The following BANP variants were observed in gnomAD, a reference collection of about 807,000 sequenced individuals.
BANP encodes the protein protein BANP.
A neutral mutation model predicts 68.1 loss-of-function variants in BANP; 11 were observed. That is an observed-to-expected ratio of 0.16 (90% CI 0.10 to 0.27). BANP has a LOEUF of 0.27. BANP is among the 10% of genes least tolerant of loss of function. The pLI is 1.00. For missense variants in BANP, 504 were observed against 722.7 expected, an observed-to-expected ratio of 0.70 and a Z score of 3.47; for synonymous variants, 329 against 303.2, an observed-to-expected ratio of 1.09 and a Z score of -0.88.
upstream of BANP, chr16:87,949,366 C>T (rs1208935506): frequency 6.6e-6 from 1 of 152,184 alleles, no homozygotes; most frequent in African/African-American, 2.4e-5. Context: ...TTGAATGCAG[C>T]CGTGATTGAG....
chr16:88,075,803 T>G (rs8054473), intron 13 of BANP, among the ~76,000 whole-genome samples: 147,856 of 149,180 alleles, frequency 0.99, 73,282 homozygotes, highest in East Asian at 1. Context: ...CTGGAGTGCA[T>G]TGGTGCAATC....
intron 13 of BANP, among the ~76,000 whole-genome samples, chr16:88,075,488 G>A (rs1293722571): frequency 6.6e-6 from 1 of 152,188 alleles, no homozygotes; most frequent in Non-Finnish European, 1.5e-5. Flanking sequence ...GGGCAACAGA[G>A]CAAGACCCTA....
chr16:88,068,804 T>G (rs1004579775), intron 12 of BANP, among the ~76,000 whole-genome samples: 1 of 152,162 alleles, frequency 6.6e-6, no homozygotes, highest in Admixed American at 6.5e-5. Context: ...ACTGGTGGGT[T>G]TGCACATTGG....
At chr16:88,037,800 T>A in intron 10 of BANP, 173 bp from the exon 11 acceptor site, 1 of 634,126 alleles carries the variant, frequency 1.6e-6, no homozygotes, top group Admixed American at 2.7e-5. Context: ...TACCTAGAAA[T>A]GTCAATATTT....
chr16:88,024,548 C>T lies in BANP; in HGVS notation c.896-2935C>T, dbSNP rs571850597. Among the ~76,000 whole-genome samples, 22 of 152,370 alleles carry T rather than the reference C, an allele frequency of 1.4e-4. No homozygotes were observed. In the East Asian group the frequency reaches 3.5e-3, roughly 24 times the overall value. On this transcript the variant is annotated intron_variant, in intron 7 of 13. Transcript: ENST00000682872. ...TGCTGTCAGAAAAGGTAAAGGAATC[C>T]GAGCCCTGAGGGCTGCCCAGACGTG...
chr16:88,043,651 C>T (rs2081319679), intron 11 of BANP, among the ~76,000 whole-genome samples: 2 of 152,114 alleles, frequency 1.3e-5, no homozygotes, highest in African/African-American at 4.8e-5. Context: ...GAGGACAGGC[C>T]TTGTATGGTA....
rs1181211387 is a variant in BANP at position 88,033,171 on chromosome 16, G to C, written c.1126G>C (p.Ala376Pro). 6.2e-7 allele frequency: 1 copy of C among 1,611,738 alleles called. No individual in the cohort carries two copies. The highest frequency in any genetic ancestry group is 8.5e-7 in the Non-Finnish European group (1 of 1,178,310). Residue 376 changes from alanine to proline, a missense_variant, in exon 9 of 14, where the codon GCC becomes CCC. Ala to Pro is a conservative substitution (Grantham distance 27). Coordinates refer to ENST00000682872, the MANE Select transcript of BANP (RefSeq NM_001386991.1). The part of the protein sequence containing the change: ...ELPQPQPQPQ[A>P]LHYALANAQQ... ...CCCGCAGCCACAGCCGCAGCCGCAG[G>C]CCCTGCACTACGCGCTGGCCAACGC...
intron 13 of BANP, among the ~76,000 whole-genome samples, 171 bp from the exon 14 acceptor site, chr16:88,076,419 A>T (rs989341045): frequency 3.9e-5 from 6 of 152,108 alleles, no homozygotes; most frequent in Non-Finnish European, 8.8e-5. Flanking sequence ...TTCCGCTGGG[A>T]GCCAGGCGTT....
At chr16:88,006,391 A>T in intron 6 of BANP, 126 bp downstream of exon 6, 1 of 1,147,000 alleles carries the variant, frequency 8.7e-7, no homozygotes. Context: ...TCACGCCTGT[A>T]ATCCCAGCAC....
At chr16:87,973,442 T>A (rs968606303) in intron 1 of BANP, among the ~76,000 whole-genome samples, 1 of 152,178 alleles carries the variant, frequency 6.6e-6, no homozygotes, top group South Asian at 2.1e-4. Context: ...GGCTCCTTCT[T>A]CCACAAATTG....
chr16:88,021,574 G>A (rs569330436), intron 7 of BANP, among the ~76,000 whole-genome samples: 4 of 152,314 alleles, frequency 2.6e-5, no homozygotes, highest in East Asian at 1.9e-4. Flanking sequence ...GTGCTTAGAC[G>A]GAATTGCTGA....
At position 88,073,326 on chromosome 16, in the gene BANP, T is replaced by C. The variant is rs183619352; in HGVS notation, c.1521+1114T>C. ...GCCCAGAGTTTAAGGACCCGTGTCCTGTAGAAGGTCTGGCCCCTCCTCTGG... is the reference window on the plus strand; with the variant it reads ...GCCCAGAGTTTAAGGACCCGTGTCCCGTAGAAGGTCTGGCCCCTCCTCTGG... On this transcript the variant is annotated intron_variant, in intron 13 of 13. Coordinates refer to ENST00000682872, the MANE Select transcript of BANP (RefSeq NM_001386991.1). 2.0e-4 allele frequency among the ~76,000 whole-genome samples: 31 copies of C among 152,308 alleles called. No individual in the cohort carries two copies. The East Asian group carries it at 5.4e-3, about 27-fold the overall frequency.
chr16:88,006,907 G>T (rs552247375), intron 6 of BANP, among the ~76,000 whole-genome samples: 1 of 135,488 alleles, frequency 7.4e-6, no homozygotes, highest in Non-Finnish European at 1.5e-5. Context: ...AGCTGAGATC[G>T]CACCACTGTA....
intron 11 of BANP, among the ~76,000 whole-genome samples, chr16:88,050,152 A>C (rs1457350960): frequency 1.3e-5 from 2 of 152,214 alleles, no homozygotes; most frequent in Admixed American, 1.3e-4. Flanking sequence ...GATGCTATCT[A>C]GCTAGCTAGC....
intron 7 of BANP, among the ~76,000 whole-genome samples, chr16:88,019,748 G>C (rs1183362720): frequency 6.6e-6 from 1 of 151,800 alleles, no homozygotes; most frequent in Non-Finnish European, 1.5e-5. Flanking sequence ...AGGGCCAGCT[G>C]TTCCAGCAGG....
intron 1 of BANP, among the ~76,000 whole-genome samples, chr16:87,973,590 G>A (rs544536955): frequency 2.6e-5 from 4 of 152,008 alleles, no homozygotes; most frequent in South Asian, 2.1e-4. Flanking sequence ...GAGAAACCCC[G>A]TCTTACTAAA....
At chr16:88,035,444 T>A in intron 10 of BANP, 50 bp downstream of exon 10, 4 of 1,506,338 alleles carry the variant, frequency 2.7e-6, no homozygotes, top group Non-Finnish European at 3.6e-6. Flanking sequence ...CGTGCCCACA[T>A]GCTCCCGACC....
chr16:87,964,422 C>T (rs547389757), intron 1 of BANP, among the ~76,000 whole-genome samples: 2 of 152,232 alleles, frequency 1.3e-5, no homozygotes, highest in South Asian at 2.1e-4. Context: ...TGCACGTCAC[C>T]GTTGCCGAGG....
intron 1 of BANP, among the ~76,000 whole-genome samples, chr16:87,965,341 G>A (rs904639504): frequency 2.6e-5 from 4 of 152,046 alleles, no homozygotes; most frequent in African/African-American, 9.7e-5. Context: ...GAGACCGCAA[G>A]TACAGGCGGG....
Sources: gnomAD v4.1 joint callset for allele counts (sites outside exome capture counted in the v4.1 genomes callset) on GRCh38, gnomAD v4.1.1 for gene constraint, MANE v1.5 for transcripts, NCBI Gene and HGNC (gene_info 2026-07-23, HGNC 2026-07-21) for gene names.